PPDPFL: variants seen among roughly 807,000 people sequenced by gnomAD.
PPDPFL encodes the protein pancreatic progenitor cell differentiation and proliferation factor-like protein.
A neutral mutation model predicts 12.6 loss-of-function variants in PPDPFL; 12 were observed. The observed-to-expected ratio is 0.95, with a 90% CI of 0.61 to 1.54. The LOEUF (loss-of-function observed/expected upper bound fraction) is 1.54, where lower values mean the gene tolerates loss of function less well. Ranked by LOEUF, PPDPFL falls within the 40% of genes most tolerant of loss-of-function variation. The probability of loss-of-function intolerance (pLI) is 0.00; values close to 1 mark genes in which losing one functional copy is unlikely to be tolerated. For missense variants in PPDPFL, 114 were observed against 96.0 expected (o/e 1.19, Z -0.78); for synonymous variants, 24 against 32.7 (o/e 0.73, Z 0.91).
upstream of PPDPFL, among the ~76,000 whole-genome samples, chr8:49,072,067 T>A (rs559632590): frequency 7.9e-5 from 12 of 152,354 alleles, no homozygotes; most frequent in South Asian, 2.5e-3. Flanking sequence ...GAGACACTTG[T>A]GTATCGCCTC....
rs1297823448 is a variant in PPDPFL, at chr8:49,074,538, T to C, written c.233+205T>C. 3 of 1,536,808 alleles carry C rather than the reference T, an allele frequency of 2.0e-6. No homozygotes were observed. The African/African-American group carries it at 4.1e-5, about 21-fold the overall frequency. ...GCTGTCAGGAAGATCATAGCACCCT[T>C]TCCAGTTCAATCACTCAAGAGTGGT... On this transcript the variant is annotated intron_variant, in intron 4 of 4. Coordinates refer to ENST00000522267, the MANE Select transcript of PPDPFL (RefSeq NM_001256597.2).
chr8:49,074,441 G>T (rs1808453446), intron 4 of PPDPFL, 108 bp downstream of exon 4: 1 of 1,553,474 alleles, frequency 6.4e-7, no homozygotes, highest in Non-Finnish European at 8.7e-7. Context: ...TCTCTTGAGA[G>T]CAGTGAGCCT....
At position 49,075,287 on chromosome 8, in the gene PPDPFL, T is replaced by G; in HGVS notation, c.*114T>G. ...ATCCTCTGCCTGCTGCAGTGGTCCA[T>G]ACATGAACAGCTCCCCTTCAGCGCC... On this transcript the variant is annotated 3_prime_UTR_variant, in exon 5 of 5. Coordinates refer to ENST00000522267, the MANE Select transcript of PPDPFL (RefSeq NM_001256597.2). The G allele has an allele frequency of 1.2e-6, 2 of 1,611,934 alleles. No homozygotes were observed. Among genetic ancestry groups the G allele is most frequent in the Non-Finnish European group, 1.7e-6 (2 of 1,178,022 alleles).
chr8:49,071,127 G>A (rs1418109816), upstream of PPDPFL, among the ~76,000 whole-genome samples: 2 of 152,054 alleles, frequency 1.3e-5, no homozygotes, highest in African/African-American at 2.4e-5. Context: ...CTGTCTTTTT[G>A]TCCTGTGTCT....
chr8:49,074,606 T>A, intron 4 of PPDPFL: 1 of 1,535,946 alleles, frequency 6.5e-7, no homozygotes, highest in African/African-American at 1.4e-5. Context: ...TGGCGGGGGA[T>A]GGACTGAGAA....
intron 4 of PPDPFL, 74 bp from the exon 5 acceptor site, chr8:49,075,078 T>C: frequency 6.4e-7 from 1 of 1,568,882 alleles, no homozygotes; most frequent in Non-Finnish European, 8.6e-7. Context: ...TTATCAAGTT[T>C]ATTCATTTGA....
At chr8:49,063,303 C>G (rs1026698359) in intron 1 of PPDPFL, among the ~76,000 whole-genome samples, 1 of 152,196 alleles carries the variant, frequency 6.6e-6, no homozygotes, top group Non-Finnish European at 1.5e-5. Context: ...GTAGGCAAGG[C>G]TTGGTGCCAG....
intron 1 of PPDPFL, among the ~76,000 whole-genome samples, chr8:49,059,657 G>T (rs555642696): frequency 6.6e-6 from 1 of 152,102 alleles, no homozygotes; most frequent in Non-Finnish European, 1.5e-5. Context: ...GTGTATATGC[G>T]TGAATATATA....
chr8:49,064,266 A>C (rs1287339085), intron 1 of PPDPFL, among the ~76,000 whole-genome samples: 2 of 152,164 alleles, frequency 1.3e-5, no homozygotes, highest in Non-Finnish European at 2.9e-5. Flanking sequence ...TGGTACAGAA[A>C]GTTCAAAGAT....
At chr8:49,067,424 C>T (rs1475874367), upstream of PPDPFL, among the ~76,000 whole-genome samples, 1 of 152,196 alleles carries the variant, frequency 6.6e-6, no homozygotes, top group African/African-American at 2.4e-5. Context: ...CTTACATGGA[C>T]AATCAGATAT....
At chr8:49,062,004 C>G (rs761680608) in intron 1 of PPDPFL, among the ~76,000 whole-genome samples, 1 of 136,248 alleles carries the variant, frequency 7.3e-6, no homozygotes, top group African/African-American at 2.7e-5. Context: ...AAAGGATGCA[C>G]CATATGTCCT....
chr8:49,060,382 C>G (rs1045807451), intron 1 of PPDPFL, among the ~76,000 whole-genome samples: 1 of 152,052 alleles, frequency 6.6e-6, no homozygotes, highest in Non-Finnish European at 1.5e-5. Context: ...GGCAGGATCT[C>G]GGCTCACCTC....
rs987402541 is a variant in PPDPFL at position 49,061,833 on chromosome 8, G to A, written c.-45+7464G>A. Reference sequence around the variant, plus strand: ...GAAGCTCAGAGTCTGCTTCTCCAAGGGGAAGGCCTCTCCGGGCAAAAACCA... The same window carrying A: ...GAAGCTCAGAGTCTGCTTCTCCAAGAGGAAGGCCTCTCCGGGCAAAAACCA... On this transcript the variant is annotated intron_variant, in intron 1 of 4. Coordinates refer to the PPDPFL transcript ENST00000517663. Among the ~76,000 whole-genome samples the A allele has an allele frequency of 1.1e-4, 17 of 152,308 alleles. No homozygotes were observed. The East Asian group carries it at 1.9e-3, about 17-fold the overall frequency.
intron 1 of PPDPFL, among the ~76,000 whole-genome samples, chr8:49,062,139 G>A (rs1417540844): frequency 6.6e-6 from 1 of 152,214 alleles, no homozygotes; most frequent in Non-Finnish European, 1.5e-5. Context: ...TAAAGGAGCA[G>A]CAGGGCTTAG....
chr8:49,070,918 A>G (rs538057139), upstream of PPDPFL, among the ~76,000 whole-genome samples: 2 of 152,156 alleles, frequency 1.3e-5, no homozygotes, highest in Non-Finnish European at 2.9e-5. Flanking sequence ...TCTCTTGGAA[A>G]ATTTCCAGTA....
intron 1 of PPDPFL, among the ~76,000 whole-genome samples, chr8:49,066,958 G>C (rs1038657238): frequency 2.0e-5 from 3 of 152,102 alleles, no homozygotes; most frequent in South Asian, 4.1e-4. Context: ...CTGCTCATGA[G>C]AGCACACTGC....
intron 4 of PPDPFL, chr8:49,074,589 C>T: frequency 1.3e-6 from 2 of 1,536,054 alleles, no homozygotes; most frequent in Non-Finnish European, 1.7e-6. Flanking sequence ...CAAACTGTGT[C>T]ATTGTTTGGC....
At chr8:49,064,985 G>T (rs1464211641) in intron 1 of PPDPFL, among the ~76,000 whole-genome samples, 3 of 152,108 alleles carry the variant, frequency 2.0e-5, no homozygotes, top group Non-Finnish European at 4.4e-5. Flanking sequence ...TGTTTCATAG[G>T]CTTCCAAATT....
chr8:49,066,935 T>C (rs373149047), intron 1 of PPDPFL, among the ~76,000 whole-genome samples: 3 of 152,150 alleles, frequency 2.0e-5, no homozygotes, highest in East Asian at 3.9e-4. Context: ...CCCAGGATCT[T>C]TTCTGGAGAA....
Sources: gnomAD v4.1 joint callset for allele counts (sites outside exome capture counted in the v4.1 genomes callset) on GRCh38, gnomAD v4.1.1 for gene constraint, MANE v1.5 for transcripts, NCBI Gene and HGNC (gene_info 2026-07-23, HGNC 2026-07-21) for gene names.